Variants in BAG4 observed in about 807,000 individuals in gnomAD.
The protein encoded by BAG4 is BAG cochaperone 4.
A neutral mutation model predicts 52.1 loss-of-function variants in BAG4; 28 were observed. The ratio of observed to expected loss-of-function variants is 0.54; its 90% CI spans 0.40 to 0.74. The LOEUF (loss-of-function observed/expected upper bound fraction) is 0.74, where lower values mean the gene tolerates loss of function less well. Among genes scored for constraint, BAG4 ranks in the 30% least tolerant of loss-of-function variants. The pLI is 0.00. For missense variants in BAG4, 525 were observed against 572.0 expected, an observed-to-expected ratio of 0.92 and a Z score of 0.84; for synonymous variants, 208 against 217.0, an observed-to-expected ratio of 0.96 and a Z score of 0.37.
At position 38,201,866 on chromosome 8, in the gene BAG4, ATATATATATATATATTTTTTTTTT is replaced by A. The variant is rs1306065345; in HGVS notation, c.379-5644_379-5621del. ...TATATATATATATATATATATATAT[ATATATATATATATATTTTTTTTTT>A]TTTTTTTTTTTTTTTTTTTAAGAAG... On this transcript the variant is annotated intron_variant, in intron 2 of 4. Transcript: ENST00000287322. 8.3e-3 allele frequency: 66 copies of A among 7,994 alleles called. 1 individual carries two copies. The highest frequency in any genetic ancestry group is 0.015 in the Non-Finnish European group (56 of 3,836). 0.5% of individuals were successfully genotyped at this position (7,994 alleles called of 1,614,324 possible). A position where few individuals can be genotyped will look rare whatever the true frequency, so the allele number is the denominator to read the frequency against.
intron 2 of BAG4, among the ~76,000 whole-genome samples, chr8:38,199,037 T>C (rs1803615368): frequency 6.6e-6 from 1 of 152,198 alleles, no homozygotes; most frequent in Non-Finnish European, 1.5e-5. Context: ...CATGCTAAGA[T>C]AATGATAACA....
intron 1 of BAG4, among the ~76,000 whole-genome samples, chr8:38,191,760 CAAAA>C (rs35851034): frequency 1.4e-5 from 1 of 72,616 alleles, no homozygotes. Context: ...AACTCTGTCT[CAAAA>C]AAAAAAAAAA....
At chr8:38,192,574 T>C (rs1191564724) in intron 1 of BAG4, 114 bp from the exon 2 acceptor site, 3 of 815,064 alleles carry the variant, frequency 3.7e-6, no homozygotes, top group African/African-American at 3.5e-5. Flanking sequence ...GCCCAGCTTA[T>C]TGCTTTTTGT....
chr8:38,177,034 C>A lies in BAG4; in HGVS notation c.165C>A (p.Gly55=), dbSNP rs1803169659. The change falls in exon 1 of 5, where the codon GGC becomes GGA. Residue 55 remains glycine (G), a synonymous_variant. Coordinates refer to ENST00000287322, the MANE Select transcript of BAG4 (RefSeq NM_004874.4). ...CCATTTCCTGGCGGGTGCGCGGGGG[C>A]GGCCCGGCGGAGACCACCTGGCTGG... ...QPPISWRVRG[G]GPAETTWLGE... 1 of 1,603,696 alleles carries A rather than the reference C, an allele frequency of 6.2e-7. No homozygotes were observed. Among genetic ancestry groups the A allele is most frequent in the Non-Finnish European group, 8.5e-7 (1 of 1,175,630 alleles).
chr8:38,207,401 C>A, intron 2 of BAG4, 111 bp from the exon 3 acceptor site: 1 of 1,229,628 alleles, frequency 8.1e-7, no homozygotes, highest in Non-Finnish European at 1.1e-6. Flanking sequence ...TGTGCCTGGC[C>A]TGCATTAGTG....
rs1803890257 is a variant in BAG4 at position 38,213,149 on chromosome 8, A to T, written c.*2656A>T. ...TATTTATGATTTGTAGAATTGGTTC[A>T]ACTTTTGACTTAATACTGACTTTGG... On this transcript the variant is annotated 3_prime_UTR_variant, in exon 5 of 5. Transcript: ENST00000287322. The T allele has an allele frequency of 6.6e-6, 1 of 152,208 alleles. No homozygotes were observed. Among genetic ancestry groups the T allele is most frequent in the Non-Finnish European group, 1.5e-5 (1 of 68,028 alleles). 9.4% of individuals were successfully genotyped at this position (152,208 alleles called of 1,614,324 possible).
At chr8:38,180,275 C>T (rs1285621868) in intron 1 of BAG4, among the ~76,000 whole-genome samples, 2 of 152,014 alleles carry the variant, frequency 1.3e-5, no homozygotes, top group Non-Finnish European at 2.9e-5. Flanking sequence ...GTAAACCCAG[C>T]ACTTTGGGAG....
At chr8:38,188,619 A>G (rs576661044) in intron 1 of BAG4, among the ~76,000 whole-genome samples, 81 of 149,324 alleles carry the variant, frequency 5.4e-4, no homozygotes, top group African/African-American at 1.8e-3. Context: ...ATATATATAC[A>G]TGTACACATA....
intron 1 of BAG4, among the ~76,000 whole-genome samples, chr8:38,188,674 C>T (rs13260025): frequency 0.012 from 34 of 2,764 alleles, no homozygotes; most frequent in East Asian, 0.12. Context: ...TATACATATA[C>T]ATGTATACAT....
At chr8:38,188,428 T>C (rs1803404746) in intron 1 of BAG4, among the ~76,000 whole-genome samples, 1 of 151,834 alleles carries the variant, frequency 6.6e-6, no homozygotes, top group Non-Finnish European at 1.5e-5. Context: ...AAAGAAAAGA[T>C]AAATGTTTGA....
In BAG4 at chr8:38,209,122, C is replaced by T. The variant is rs1803825607; in HGVS notation, c.743C>T (p.Ala248Val). ...PQEDAWASPG[A>V]YGMGGRYPWP... ...GAAGATGCGTGGGCTTCTCCTGGTG[C>T]TTATGGAATGGGTGGCCGTTATCCC... is the stretch of plus-strand genomic sequence containing the variant. The change falls in exon 4 of 5, where the codon GCT becomes GTT. Residue 248 changes from alanine to valine, a missense_variant. Physicochemically the swap from Ala to Val is moderately conservative, Grantham distance 64. Coordinates refer to ENST00000287322, the MANE Select transcript of BAG4 (RefSeq NM_004874.4). 6.2e-7 allele frequency: 1 copy of T among 1,614,170 alleles called. No individual in the cohort carries two copies. The highest frequency in any genetic ancestry group is 8.5e-7 in the Non-Finnish European group (1 of 1,180,030).
At chr8:38,181,207 G>A (rs1352640283) in intron 1 of BAG4, among the ~76,000 whole-genome samples, 3 of 151,590 alleles carry the variant, frequency 2.0e-5, no homozygotes, top group Non-Finnish European at 4.4e-5. Context: ...GGGATTACAG[G>A]CGTGAGCCAC....
chr8:38,178,385 C>T (rs1803206230), intron 1 of BAG4, among the ~76,000 whole-genome samples: 1 of 152,208 alleles, frequency 6.6e-6, no homozygotes, highest in African/African-American at 2.4e-5. Flanking sequence ...GAACTCCTGA[C>T]CTCAAGTGAT....
chr8:38,205,202 ATTTTTTTTTTTTT>A (rs35284937), intron 2 of BAG4, among the ~76,000 whole-genome samples: 199 of 79,316 alleles, frequency 2.5e-3, no homozygotes, highest in African/African-American at 8.9e-3. Context: ...CAGCTAATTA[ATTTTTTTTTTTTT>A]TTTTTTTTTT....
rs941806851 is a variant in BAG4 at position 38,177,211 on chromosome 8, T to C, written c.270+72T>C. The C allele has an allele frequency of 5.1e-6, 8 of 1,572,200 alleles. No homozygotes were observed. The Admixed American group carries it at 8.2e-5, about 16-fold the overall frequency. ...GGCTGGGGTTCGTAAAGGATCGGGT[T>C]TCATACTTGTTTTCCTTATGTGGAG... On this transcript the variant is annotated intron_variant, in intron 1 of 4. Coordinates refer to ENST00000287322, the MANE Select transcript of BAG4 (RefSeq NM_004874.4).
At chr8:38,181,275 C>T (rs1803265430) in intron 1 of BAG4, among the ~76,000 whole-genome samples, 1 of 145,082 alleles carries the variant, frequency 6.9e-6, no homozygotes, top group African/African-American at 2.6e-5. Flanking sequence ...GCTCTTTTTG[C>T]CCAGGCTGGA....
intron 1 of BAG4, among the ~76,000 whole-genome samples, chr8:38,186,270 C>G (rs1392651027): frequency 6.6e-6 from 1 of 152,102 alleles, no homozygotes; most frequent in Non-Finnish European, 1.5e-5. Context: ...AGCCGAGAAG[C>G]CCTAAGTCTA....
intron 2 of BAG4, among the ~76,000 whole-genome samples, chr8:38,198,401 G>T (rs1803601717): frequency 1.4e-5 from 2 of 142,564 alleles, no homozygotes; most frequent in Non-Finnish European, 3.1e-5. Flanking sequence ...AAAAAAAAAA[G>T]TTTTCTTTCT....
chr8:38,181,325 C>T (rs1229132325), intron 1 of BAG4, among the ~76,000 whole-genome samples: 3 of 145,164 alleles, frequency 2.1e-5, no homozygotes, highest in African/African-American at 7.7e-5. Context: ...ACCTCCACCT[C>T]CCAGGTTCAA....
Sources: allele counts gnomAD v4.1 joint callset (sites outside exome capture counted in the v4.1 genomes callset), GRCh38; gene constraint gnomAD v4.1.1; transcripts MANE v1.5; gene names NCBI Gene and HGNC (gene_info 2026-07-23, HGNC 2026-07-21).